Variants in CAPRIN2 observed in about 807,000 individuals in gnomAD.
CAPRIN2 encodes caprin family member 2, also known as caprin-2.
In CAPRIN2, 66 loss-of-function variants were observed where a neutral mutation model predicts 130.4. The observed-to-expected ratio is 0.51, with a 90% CI of 0.42 to 0.62. The LOEUF (loss-of-function observed/expected upper bound fraction) is 0.62, where lower values mean the gene tolerates loss of function less well. CAPRIN2 is among the 20% of genes least tolerant of loss of function. CAPRIN2 has a pLI of 0.00. For missense variants in CAPRIN2, 1,185 were observed against 1,246.6 expected, an observed-to-expected ratio of 0.95 and a Z score of 0.74; for synonymous variants, 471 against 444.1, an observed-to-expected ratio of 1.06 and a Z score of -0.76.
exon 17 of CAPRIN2, chr12:30,709,837 A>G: frequency 2.0e-6 from 3 of 1,511,098 alleles, no homozygotes; most frequent in Admixed American, 2.1e-5. Context: ...GAGGGCAAAG[A>G]CTACTTTTCC....
chr12:30,716,420 A>G (rs2057580038), intron 13 of CAPRIN2, 88 bp downstream of exon 15: 7 of 1,200,224 alleles, frequency 5.8e-6, no homozygotes, highest in Non-Finnish European at 8.5e-6. Context: ...AAATACTTCT[A>G]AAGTGTCACT....
rs2057024327 is a variant in CAPRIN2, at chr12:30,715,122, TC to T, written c.2336del (p.Gly779GlufsTer5). 1 of 1,613,912 alleles carries T rather than the reference TC, an allele frequency of 6.2e-7. No individual in the cohort carries two copies. Among genetic ancestry groups the T allele is most frequent in the Non-Finnish European group, 8.5e-7 (1 of 1,179,858 alleles). On this transcript the variant is annotated frameshift_variant, in exon 14 of 17. Coordinates refer to ENST00000298892, the Ensembl canonical transcript of CAPRIN2. LOFTEE classifies it high-confidence loss of function. ...GGCTACCATTGCTTACTTGAATAGTTCCATCAGGATGATAATTTGCTGCTTA... is the reference window on the plus strand; with the variant it reads ...GGCTACCATTGCTTACTTGAATAGTTCATCAGGATGATAATTTGCTGCTTA...
rs1258629035 is a variant in CAPRIN2, at chr12:30,715,104, A to G, written c.2355T>C (p.Asn785=). The change falls in exon 14 of 17, where the codon AAT becomes AAC. Residue 785 remains asparagine (N), a synonymous_variant. Coordinates refer to ENST00000298892, the Ensembl canonical transcript of CAPRIN2. ...GTGCTGGGTAAAAGGCAAGGCTACC[A>G]TTGCTTACTTGAATAGTTCCATCAG... The G allele has an allele frequency of 5.6e-6, 9 of 1,613,972 alleles. No homozygotes were observed. In the Admixed American group the frequency reaches 8.3e-5, roughly 15 times the overall value.
intron 15 of CAPRIN2, among the ~76,000 whole-genome samples, chr12:30,712,730 ACTCTTTTTTTTTTTT>A (rs2055483313): frequency 9.9e-6 from 1 of 101,390 alleles, no homozygotes; most frequent in African/African-American, 3.7e-5. Flanking sequence ...GATGTTTTCC[ACTCTTTTTTTTTTTT>A]TTTTTTTTTT....
At chr12:30,718,932 C>T (rs7304976) in intron 12 of CAPRIN2, 147 bp downstream of exon 14, 452,277 of 781,930 alleles carry the variant, frequency 0.58, 134,492 homozygotes, top group African/African-American at 0.73. Flanking sequence ...CAAACAAGTA[C>T]TGCCATTGGC....
At chr12:30,747,086 A>C (rs1471329180) in intron 2 of CAPRIN2, among the ~76,000 whole-genome samples, 5 of 152,210 alleles carry the variant, frequency 3.3e-5, no homozygotes, top group Non-Finnish European at 7.3e-5. Flanking sequence ...TGAAAATCCT[A>C]GGACCCTTAA....
chr12:30,725,185 T>G (rs1319749249), intron 9 of CAPRIN2, among the ~76,000 whole-genome samples: 2 of 152,196 alleles, frequency 1.3e-5, no homozygotes, highest in Non-Finnish European at 2.9e-5. Context: ...TAAAACATTT[T>G]CAAGATGAGA....
chr12:30,716,549 G>A (rs1490493831), exon 13 of CAPRIN2: 1 of 1,613,800 alleles, frequency 6.2e-7, no homozygotes, highest in African/African-American at 1.3e-5. Flanking sequence ...ATGTATAGAT[G>A]GCAGTTGGCA....
chr12:30,719,365 C>T (rs193164200), intron 12 of CAPRIN2, 140 bp from the exon 14 acceptor site: 26 of 929,492 alleles, frequency 2.8e-5, no homozygotes, highest in Non-Finnish European at 4.0e-5. Context: ...ATAGCTTTTG[C>T]TTACAATTTC....
upstream of CAPRIN2, chr12:30,754,809 G>GGGA (rs1055737830): frequency 6.6e-6 from 1 of 152,020 alleles, no homozygotes; most frequent in African/African-American, 2.4e-5. Context: ...CAAAGCCTGG[G>GGGA]GGAGGCAGGA....
intron 7 of CAPRIN2, 107 bp downstream of exon 8, chr12:30,730,132 C>CA (rs2062146614): frequency 1.2e-6 from 1 of 860,322 alleles, no homozygotes; most frequent in Admixed American, 2.2e-5. Context: ...ACTGCAGAAC[C>CA]AGGGTTCAAG....
chr12:30,724,446 A>T (rs745985799), exon 10 of CAPRIN2: 20 of 1,600,498 alleles, frequency 1.2e-5, no homozygotes, highest in Non-Finnish European at 1.7e-5. Flanking sequence ...AGTCAAGAAC[A>T]GACTCCTAAA....
At chr12:30,745,487 C>T (rs968468657) in intron 2 of CAPRIN2, among the ~76,000 whole-genome samples, 6 of 152,088 alleles carry the variant, frequency 3.9e-5, no homozygotes, top group Admixed American at 6.6e-5. Flanking sequence ...AGAGTTACTA[C>T]TTCAAAGAGG....
chr12:30,739,839 T>G (rs1221648943), intron 3 of CAPRIN2, among the ~76,000 whole-genome samples: 4 of 152,196 alleles, frequency 2.6e-5, no homozygotes, highest in Non-Finnish European at 5.9e-5. Flanking sequence ...CATAAGTGCC[T>G]GGCACAAGGT....
At chr12:30,717,650 C>A (rs949649952) in intron 12 of CAPRIN2, among the ~76,000 whole-genome samples, 3 of 151,502 alleles carry the variant, frequency 2.0e-5, no homozygotes, top group South Asian at 4.1e-4. Flanking sequence ...TTACACCTAA[C>A]AGCAAAAGTT....
chr12:30,738,774 T>C (rs2065997023), intron 3 of CAPRIN2, among the ~76,000 whole-genome samples: 1 of 152,130 alleles, frequency 6.6e-6, no homozygotes, highest in South Asian at 2.1e-4. Context: ...AAAGAAGACA[T>C]ACATGTGGCC....
At chr12:30,714,480 G>A (rs955652226) in intron 14 of CAPRIN2, among the ~76,000 whole-genome samples, 1 of 152,144 alleles carries the variant, frequency 6.6e-6, no homozygotes, top group African/African-American at 2.4e-5. Flanking sequence ...ACCACACCCA[G>A]CCTGTCTAGA....
intron 9 of CAPRIN2, among the ~76,000 whole-genome samples, 163 bp from the exon 11 acceptor site, chr12:30,724,614 T>C (rs1386034281): frequency 6.6e-6 from 1 of 152,162 alleles, no homozygotes; most frequent in Non-Finnish European, 1.5e-5. Context: ...ATGCCAAAAC[T>C]AGTCTCCATA....
chr12:30,730,363 C>A, intron 6 of CAPRIN2, 81 bp from the exon 8 acceptor site: 1 of 966,508 alleles, frequency 1.0e-6, no homozygotes, highest in Non-Finnish European at 1.7e-6. Flanking sequence ...TTCATTCTAG[C>A]AACATATTTC....
Sources: gnomAD v4.1 joint callset for allele counts (sites outside exome capture counted in the v4.1 genomes callset) on GRCh38, gnomAD v4.1.1 for gene constraint, MANE v1.5 for transcripts, NCBI Gene and HGNC (gene_info 2026-07-23, HGNC 2026-07-21) for gene names.